CDK14: variants seen among roughly 807,000 people sequenced by gnomAD.
CDK14 encodes the protein cyclin-dependent kinase 14.
Under a neutral mutation model 60.7 loss-of-function variants are expected in CDK14, and 34 were observed. The observed-to-expected ratio is 0.56, with a 90% confidence interval of 0.43 to 0.75. The LOEUF is 0.75. Among genes scored for constraint, CDK14 ranks in the 30% least tolerant of loss-of-function variants. The probability of loss-of-function intolerance (pLI) is 0.00; values close to 1 mark genes in which losing one functional copy is unlikely to be tolerated. For missense variants in CDK14, 482 were observed against 564.1 expected (o/e 0.85, Z 1.47); for synonymous variants, 197 against 203.7 (o/e 0.97, Z 0.28).
At chr7:91,128,914 C>A (rs1800033946) in intron 14 of CDK14, among the ~76,000 whole-genome samples, 1 of 152,162 alleles carries the variant, frequency 6.6e-6, no homozygotes, top group Admixed American at 6.6e-5. Context: ...ATTGCTGGTA[C>A]ATATTGACAT....
At chr7:90,676,946 G>GT (rs10668053) in intron 2 of CDK14, among the ~76,000 whole-genome samples, 11,271 of 148,972 alleles carry the variant, frequency 0.076, 553 homozygotes, top group Non-Finnish European at 0.1. Context: ...TGTATATCAA[G>GT]TTTTTTTTTT....
intron 11 of CDK14, among the ~76,000 whole-genome samples, chr7:91,068,053 T>C (rs1300610128): frequency 2.0e-5 from 3 of 152,214 alleles, no homozygotes; most frequent in Non-Finnish European, 4.4e-5. Flanking sequence ...CTTTAGATAA[T>C]TTTTTAAAAA....
At chr7:90,937,852 T>C (rs1793803504) in intron 8 of CDK14, among the ~76,000 whole-genome samples, 1 of 152,214 alleles carries the variant, frequency 6.6e-6, no homozygotes, top group Admixed American at 6.5e-5. Context: ...ATAAAGCATT[T>C]GGTTCAGTGA....
chr7:90,917,156 A>G (rs1030388148), intron 7 of CDK14, among the ~76,000 whole-genome samples: 1 of 152,172 alleles, frequency 6.6e-6, no homozygotes, highest in Non-Finnish European at 1.5e-5. Context: ...TATGGGTACC[A>G]TGTTCATGTT....
intron 6 of CDK14, among the ~76,000 whole-genome samples, chr7:90,864,956 C>T (rs1189772141): frequency 1.3e-5 from 2 of 152,092 alleles, no homozygotes; most frequent in East Asian, 3.9e-4. Context: ...GTTCGTACAT[C>T]ATATAGATTA....
intron 3 of CDK14, among the ~76,000 whole-genome samples, chr7:90,740,239 A>G (rs1312244947): frequency 7.1e-6 from 1 of 140,868 alleles, no homozygotes; most frequent in Non-Finnish European, 1.5e-5. Flanking sequence ...ATATATGTGT[A>G]TGTATGTGTG....
At chr7:90,948,616 A>G (rs1436120234) in intron 8 of CDK14, among the ~76,000 whole-genome samples, 1 of 152,238 alleles carries the variant, frequency 6.6e-6, no homozygotes, top group Non-Finnish European at 1.5e-5. Flanking sequence ...TCTGTCAACT[A>G]TTCAGCTCAG....
rs774035523 is a variant in CDK14, at chr7:90,747,685, C to G, written c.374C>G (p.Thr125Arg). 6.3e-7 allele frequency: 1 copy of G among 1,586,634 alleles called. No homozygotes were observed. The highest frequency in any genetic ancestry group is 8.6e-7 in the Non-Finnish European group (1 of 1,167,578). The part of the protein sequence containing the change: ...VRRHSSPSSP[T>R]SPKFGKADSY... Reference sequence around the variant, plus strand: ...TACCCTGTGCTTCATTTTTAGCCAACAAGTCCCAAATTTGGAAAAGCTGAC... The same window carrying G: ...TACCCTGTGCTTCATTTTTAGCCAAGAAGTCCCAAATTTGGAAAAGCTGAC... The change falls in exon 4 of 15, where the codon ACA becomes AGA. Residue 125 changes from threonine to arginine, a missense_variant. Coordinates refer to ENST00000380050, the MANE Select transcript of CDK14 (RefSeq NM_001287135.2).
intron 2 of CDK14, among the ~76,000 whole-genome samples, chr7:90,651,298 C>G (rs1002793541): frequency 9.2e-5 from 14 of 152,038 alleles, no homozygotes; most frequent in Admixed American, 5.9e-4. Context: ...TACTATGGCC[C>G]CTAACCAAGA....
chr7:90,868,435 C>T (rs1791258366), intron 6 of CDK14, among the ~76,000 whole-genome samples: 1 of 151,792 alleles, frequency 6.6e-6, no homozygotes, highest in Admixed American at 6.6e-5. Flanking sequence ...AGATTGTATA[C>T]ATTAAGTATA....
chr7:90,839,662 C>G (rs1790224644), intron 5 of CDK14, among the ~76,000 whole-genome samples: 1 of 152,180 alleles, frequency 6.6e-6, no homozygotes, highest in South Asian at 2.1e-4. Context: ...GGTTATTTTT[C>G]ACACTTCTTC....
chr7:90,971,815 A>C (rs909903798), intron 9 of CDK14, among the ~76,000 whole-genome samples: 2 of 152,192 alleles, frequency 1.3e-5, no homozygotes, highest in Admixed American at 1.3e-4. Flanking sequence ...TCATTGGAAC[A>C]TAAGGAACAT....
At chr7:91,117,926 T>G in intron 13 of CDK14, 139 bp from the exon 14 acceptor site, 1 of 511,202 alleles carries the variant, frequency 2.0e-6, no homozygotes, top group South Asian at 3.2e-5. Context: ...CCACCTGGCA[T>G]TTCAAAGATC....
At position 90,765,476 on chromosome 7, in the gene CDK14, G is replaced by A. The variant is rs552519782; in HGVS notation, c.464+17701G>A. Among the ~76,000 whole-genome samples the A allele has an allele frequency of 2.6e-5, 4 of 152,234 alleles. No homozygotes were observed. The South Asian group carries it at 6.2e-4, about 24-fold the overall frequency. ...AGGAGAGATTGTCTAGAGAGGTGGC[G>A]AGAAAACCAGCAAAGTACCAAGGAA... is the stretch of plus-strand genomic sequence containing the variant. On this transcript the variant is annotated intron_variant, in intron 4 of 14. Coordinates refer to ENST00000380050, the MANE Select transcript of CDK14 (RefSeq NM_001287135.2).
At chr7:91,000,584 T>C (rs141421722) in intron 10 of CDK14, among the ~76,000 whole-genome samples, 2 of 152,346 alleles carry the variant, frequency 1.3e-5, no homozygotes, top group East Asian at 1.9e-4. Context: ...CAGAGAGTAC[T>C]CTTTATTCCC....
chr7:90,892,622 ACT>A (rs1792170554), intron 6 of CDK14, among the ~76,000 whole-genome samples: 2 of 151,914 alleles, frequency 1.3e-5, no homozygotes, highest in African/African-American at 2.4e-5. Context: ...AACCTCATAA[ACT>A]CTTTTACAGA....
chr7:90,748,187 C>A (rs913240947), intron 4 of CDK14, among the ~76,000 whole-genome samples: 1 of 152,168 alleles, frequency 6.6e-6, no homozygotes, highest in Non-Finnish European at 1.5e-5. Flanking sequence ...TTTACTCCAT[C>A]TTTCAGAAGT....
chr7:91,132,011 T>TGGTTGGTC (rs1562918049), intron 14 of CDK14, among the ~76,000 whole-genome samples: 1 of 151,796 alleles, frequency 6.6e-6, no homozygotes, highest in African/African-American at 2.4e-5. Flanking sequence ...GTTGGTTGGT[T>TGGTTGGTC]GGTTGGTTGG....
chr7:91,073,017 A>G (rs1220100315), intron 11 of CDK14, among the ~76,000 whole-genome samples: 1 of 152,182 alleles, frequency 6.6e-6, no homozygotes, highest in East Asian at 1.9e-4. Flanking sequence ...ATATGGAACT[A>G]TGTAAAAAGA....
Sources: gnomAD v4.1 joint callset for allele counts (sites outside exome capture counted in the v4.1 genomes callset) on GRCh38, gnomAD v4.1.1 for gene constraint, MANE v1.5 for transcripts, NCBI Gene and HGNC (gene_info 2026-07-23, HGNC 2026-07-21) for gene names.